Variants in NKAIN2 observed in about 807,000 individuals in gnomAD.
The protein encoded by NKAIN2 is sodium/potassium transporting ATPase interacting 2.
In NKAIN2, 14 loss-of-function variants were observed where a neutral mutation model predicts 32.6. The ratio of observed to expected loss-of-function variants is 0.43; its 90% CI spans 0.28 to 0.67. The LOEUF (loss-of-function observed/expected upper bound fraction) is 0.67. Ranked by LOEUF, NKAIN2 falls within the 30% of genes least tolerant of loss-of-function variation. NKAIN2 has a pLI of 0.17. For synonymous variants in NKAIN2, 80 were observed against 87.2 expected (o/e 0.92, Z 0.46); for missense variants, 198 against 258.3 (o/e 0.77, Z 1.60).
At chr6:124,279,706 A>C (rs1006886415) in intron 1 of NKAIN2, among the ~76,000 whole-genome samples, 5 of 152,042 alleles carry the variant, frequency 3.3e-5, no homozygotes, top group Admixed American at 1.3e-4. Flanking sequence ...CCAAACTAAA[A>C]ATGTGCTAAA....
intron 5 of NKAIN2, among the ~76,000 whole-genome samples, chr6:124,800,401 A>C (rs1010774714): frequency 6.6e-6 from 1 of 152,168 alleles, no homozygotes; most frequent in Non-Finnish European, 1.5e-5. Context: ...GCAAACCCTC[A>C]ATCCTGTGTG....
At chr6:124,736,975 C>A (rs1776977593) in intron 4 of NKAIN2, among the ~76,000 whole-genome samples, 1 of 151,872 alleles carries the variant, frequency 6.6e-6, no homozygotes, top group Admixed American at 6.6e-5. Flanking sequence ...AGGAGTTAGG[C>A]AAAGTAAATT....
At chr6:123,877,933 A>T (rs1265519740) in intron 1 of NKAIN2, among the ~76,000 whole-genome samples, 1 of 152,110 alleles carries the variant, frequency 6.6e-6, no homozygotes, top group Non-Finnish European at 1.5e-5. Context: ...GCTTTTAATA[A>T]ATTGTAATTA....
chr6:124,515,324 C>T (rs565469472), intron 3 of NKAIN2, among the ~76,000 whole-genome samples: 2 of 152,044 alleles, frequency 1.3e-5, no homozygotes, highest in Admixed American at 6.5e-5. Flanking sequence ...TATTTACATC[C>T]GGTGAGGGCC....
intron 1 of NKAIN2, among the ~76,000 whole-genome samples, chr6:124,213,795 C>T (rs1174204949): frequency 6.6e-6 from 1 of 152,068 alleles, no homozygotes; most frequent in Non-Finnish European, 1.5e-5. Flanking sequence ...TTACAAAATA[C>T]TGGTATCTAT....
At chr6:124,171,462 T>C (rs1038920180) in intron 1 of NKAIN2, among the ~76,000 whole-genome samples, 1 of 152,058 alleles carries the variant, frequency 6.6e-6, no homozygotes, top group Non-Finnish European at 1.5e-5. Context: ...CTATGATAGA[T>C]TCTTAAAGCA....
At chr6:124,821,207 A>T (rs1243414087) in intron 6 of NKAIN2, among the ~76,000 whole-genome samples, 1 of 151,872 alleles carries the variant, frequency 6.6e-6, no homozygotes, top group Admixed American at 6.6e-5. Context: ...AGGCAGGAGA[A>T]TCTCTGGAAC....
chr6:123,928,482 T>C (rs185673498), intron 1 of NKAIN2, among the ~76,000 whole-genome samples: 29 of 152,302 alleles, frequency 1.9e-4, no homozygotes, highest in African/African-American at 4.8e-4. Flanking sequence ...AGACACTGGA[T>C]TGCGTCTTTT....
At chr6:123,852,386 TGAA>T (rs1386821154) in intron 1 of NKAIN2, among the ~76,000 whole-genome samples, 2 of 152,224 alleles carry the variant, frequency 1.3e-5, no homozygotes, top group African/African-American at 4.8e-5. Context: ...ATAGGTCTCT[TGAA>T]TTTTTTCTTC....
chr6:124,519,569 A>C (rs1190990573), intron 3 of NKAIN2, among the ~76,000 whole-genome samples: 2 of 152,202 alleles, frequency 1.3e-5, no homozygotes, highest in African/African-American at 4.8e-5. Flanking sequence ...GTAGCTAAGC[A>C]ACTCAAAATT....
chr6:124,665,490 C>CT lies in NKAIN2; in HGVS notation c.474+7105dup, dbSNP rs370959546. On this transcript the variant is annotated intron_variant, in intron 4 of 6. Transcript: ENST00000368417. ...TATGGGAGCAGAAGGGGGCAGTACT[C>CT]TAAGTCAGTAGTTCTCTATACTGGC... Among the ~76,000 whole-genome samples the CT allele has an allele frequency of 7.0e-3, 1,065 of 152,294 alleles. 19 individuals carry two copies. The highest frequency in any genetic ancestry group is 0.025 in the African/African-American group (1,023 of 41,568).
At chr6:124,300,315 A>T (rs1796242355) in intron 2 of NKAIN2, among the ~76,000 whole-genome samples, 1 of 152,092 alleles carries the variant, frequency 6.6e-6, no homozygotes, top group Admixed American at 6.6e-5. Context: ...GCCTGCTGCC[A>T]CCCATGTAAC....
chr6:124,153,873 G>C (rs1056778758), intron 1 of NKAIN2, among the ~76,000 whole-genome samples: 2 of 150,486 alleles, frequency 1.3e-5, no homozygotes, highest in Non-Finnish European at 3.0e-5. Flanking sequence ...TAAATATAAT[G>C]AGAGTGGGTA....
At chr6:123,976,297 C>T (rs867304005) in intron 1 of NKAIN2, among the ~76,000 whole-genome samples, 1 of 68,114 alleles carries the variant, frequency 1.5e-5, no homozygotes, top group African/African-American at 4.6e-5. Flanking sequence ...ATATATGTTT[C>T]CATATATATG....
In NKAIN2 at chr6:124,730,126, C is replaced by T. The variant is rs1776581205; in HGVS notation, c.475-61213C>T. Among the ~76,000 whole-genome samples, 2 of 91,584 alleles carry T rather than the reference C, an allele frequency of 2.2e-5. 1 individual carries two copies. Among genetic ancestry groups the T allele is most frequent in the African/African-American group, 8.6e-5 (2 of 23,368 alleles). The allele number at this position is 91,584 out of a possible 152,430, so 60.1% of individuals were successfully genotyped here. On this transcript the variant is annotated intron_variant, in intron 4 of 6. Transcript: ENST00000368417. ...GAAGAATCAATATCGTGAAAATGGC[C>T]ATACTTCCCAAGGTAATTTACAGAT...
At chr6:123,900,532 G>GGTTTTTTTTTTTTTTT (rs1774516637) in intron 1 of NKAIN2, among the ~76,000 whole-genome samples, 2 of 32,764 alleles carry the variant, frequency 6.1e-5, no homozygotes, top group Non-Finnish European at 2.2e-4. Context: ...CTCCAGATTA[G>GGTTTTTTTTTTTTTTT]TTTTTTTTTT....
chr6:123,896,812 A>G (rs1774301154), intron 1 of NKAIN2, among the ~76,000 whole-genome samples: 1 of 152,288 alleles, frequency 6.6e-6, no homozygotes, highest in South Asian at 2.1e-4. Flanking sequence ...TTATAACTTT[A>G]GATCCCACCT....
At chr6:124,127,590 C>T (rs1786239238) in intron 1 of NKAIN2, among the ~76,000 whole-genome samples, 1 of 152,066 alleles carries the variant, frequency 6.6e-6, no homozygotes, top group South Asian at 2.1e-4. Flanking sequence ...AGGAAAAAGA[C>T]ATATTGAGGG....
intron 3 of NKAIN2, among the ~76,000 whole-genome samples, chr6:124,469,715 A>T (rs752046744): frequency 3.3e-5 from 5 of 152,170 alleles, no homozygotes; most frequent in Non-Finnish European, 5.9e-5. Flanking sequence ...TCATATATTG[A>T]TCAGTTTCAC....
Sources: gnomAD v4.1 joint callset for allele counts (sites outside exome capture counted in the v4.1 genomes callset) on GRCh38, gnomAD v4.1.1 for gene constraint, MANE v1.5 for transcripts, NCBI Gene and HGNC (gene_info 2026-07-23, HGNC 2026-07-21) for gene names.